TRHDE: variants seen among roughly 807,000 people sequenced by gnomAD.
TRHDE encodes thyrotropin releasing hormone degrading enzyme.
Under a neutral mutation model 125.7 loss-of-function variants are expected in TRHDE, and 72 were observed. That is an observed-to-expected ratio of 0.57 (90% CI 0.47 to 0.70). The LOEUF (loss-of-function observed/expected upper bound fraction) is 0.70. Ranked by LOEUF, TRHDE falls within the 30% of genes least tolerant of loss-of-function variation. The pLI, the probability that TRHDE is intolerant of heterozygous loss-of-function variation, is 0.00. For missense variants in TRHDE, 1,110 were observed against 1,327.1 expected (o/e 0.84, Z 2.54); for synonymous variants, 509 against 509.1 (o/e 1.00, Z 0.00).
intron 3 of TRHDE, chr12:72,431,853 A>C (rs981300629): frequency 1.3e-5 from 2 of 154,572 alleles, no homozygotes; most frequent in Admixed American, 1.3e-4. Flanking sequence ...AGATGTTTTG[A>C]AGTTCTGAGC....
intron 18 of TRHDE, 148 bp from the exon 19 acceptor site, chr12:72,662,904 G>A: frequency 5.6e-6 from 4 of 710,770 alleles, no homozygotes; most frequent in Non-Finnish European, 8.8e-6. Flanking sequence ...TCACTCCACA[G>A]TACTAAATAT....
rs1873623964 is a variant in TRHDE at position 72,634,280 on chromosome 12, A to G, written c.2675+12529A>G. ...TAAAGAATGAGAATAGAAAGAAATG[A>G]GAATAGAGGACACTATGAACAAGGT... is the stretch of plus-strand genomic sequence containing the variant. On this transcript the variant is annotated intron_variant, in intron 15 of 18. Transcript: ENST00000261180. Among the ~76,000 whole-genome samples, 8 of 152,260 alleles carry G rather than the reference A, an allele frequency of 5.3e-5. No individual in the cohort carries two copies. In the South Asian group the frequency reaches 1.7e-3, roughly 32 times the overall value.
At chr12:72,416,962 G>C (rs1432902638) in intron 3 of TRHDE, among the ~76,000 whole-genome samples, 1 of 151,976 alleles carries the variant, frequency 6.6e-6, no homozygotes, top group Non-Finnish European at 1.5e-5. Flanking sequence ...GCATAATATG[G>C]ACATTTTAAC....
At chr12:72,134,406 T>C (rs1358417086) in intron 2 of TRHDE, among the ~76,000 whole-genome samples, 5 of 152,054 alleles carry the variant, frequency 3.3e-5, no homozygotes, top group Non-Finnish European at 7.4e-5. Context: ...TAAGGAAGAA[T>C]GAGATACATG....
intron 2 of TRHDE, among the ~76,000 whole-genome samples, chr12:72,168,952 C>A (rs1592467786): frequency 6.6e-6 from 1 of 152,128 alleles, no homozygotes; most frequent in African/African-American, 2.4e-5. Flanking sequence ...TAAGTTATTA[C>A]ATAAAAAATC....
intron 2 of TRHDE, among the ~76,000 whole-genome samples, chr12:72,299,968 C>A (rs563900726): frequency 7.0e-4 from 107 of 152,206 alleles, no homozygotes; most frequent in African/African-American, 2.4e-3. Flanking sequence ...GGGTGAAAGG[C>A]AAATTTGAGA....
chr12:72,210,816 A>T (rs574837342), intron 2 of TRHDE, among the ~76,000 whole-genome samples: 141 of 152,346 alleles, frequency 9.3e-4, no homozygotes, highest in Non-Finnish European at 4.9e-4. Context: ...TTGAGAGTTG[A>T]CACCAACTTC....
At chr12:72,275,726 TTA>T (rs1879463654) in intron 1 of TRHDE, among the ~76,000 whole-genome samples, 1 of 152,220 alleles carries the variant, frequency 6.6e-6, no homozygotes, top group Admixed American at 6.5e-5. Flanking sequence ...AACAGGACTC[TTA>T]AAAAGACCAG....
At chr12:72,179,500 A>G (rs1408808577) in intron 2 of TRHDE, among the ~76,000 whole-genome samples, 1 of 151,904 alleles carries the variant, frequency 6.6e-6, no homozygotes, top group Admixed American at 6.6e-5. Flanking sequence ...TCCAAGTTAC[A>G]TATCTTTGCT....
intron 2 of TRHDE, among the ~76,000 whole-genome samples, chr12:72,127,191 A>G (rs569818952): frequency 6.6e-6 from 1 of 152,344 alleles, no homozygotes; most frequent in African/African-American, 2.4e-5. Context: ...TTAAAAAATA[A>G]CAGATGCTGG....
chr12:72,351,143 C>A (rs1463149744), intron 2 of TRHDE, among the ~76,000 whole-genome samples: 1 of 151,910 alleles, frequency 6.6e-6, no homozygotes, highest in Non-Finnish European at 1.5e-5. Context: ...GCAATAAATT[C>A]TTAGATAAGA....
chr12:72,398,513 A>G (rs1361839176), intron 3 of TRHDE, among the ~76,000 whole-genome samples: 4 of 152,222 alleles, frequency 2.6e-5, no homozygotes, highest in African/African-American at 9.6e-5. Flanking sequence ...TGAGGACAAG[A>G]ATTTTATCAC....
chr12:72,102,269 G>A (rs2139289763), intron 1 of TRHDE, among the ~76,000 whole-genome samples: 1 of 152,186 alleles, frequency 6.6e-6, no homozygotes, highest in East Asian at 1.9e-4. Context: ...GCATTAGGAG[G>A]GTGACAGAGG....
rs1208620931 is a variant in TRHDE, at chr12:72,273,735, G to T, written c.914+178G>T. On this transcript the variant is annotated intron_variant, in intron 1 of 18. Transcript: ENST00000261180. The surrounding 1 kb of genome is among the most constrained non-coding windows in gnomAD (Gnocchi z 5.3). ...CTCCGGGGTCTCCCAGATGCCTCGG[G>T]GTCTCGCTGCCGCCAACTTCGCAAA... 2.4e-5 allele frequency: 14 copies of T among 585,716 alleles called. 1 individual carries two copies. In the Admixed American group the frequency reaches 4.2e-4, roughly 17 times the overall value. 36.3% of individuals were successfully genotyped at this position (585,716 alleles called of 1,614,324 possible). A position where few individuals can be genotyped will look rare whatever the true frequency, so the allele number is the denominator to read the frequency against.
intron 12 of TRHDE, among the ~76,000 whole-genome samples, chr12:72,600,502 T>C (rs1297086146): frequency 6.6e-6 from 1 of 152,010 alleles, no homozygotes. Flanking sequence ...AATTTTTGTG[T>C]GTGGCTATTG....
chr12:72,161,360 G>A (rs968623041), intron 2 of TRHDE, among the ~76,000 whole-genome samples: 6 of 151,698 alleles, frequency 4.0e-5, no homozygotes, highest in African/African-American at 1.2e-4. Context: ...TTGAACTCGG[G>A]AGGTGGAAGT....
intron 2 of TRHDE, among the ~76,000 whole-genome samples, chr12:72,141,201 T>G (rs1472431588): frequency 2.6e-5 from 4 of 152,152 alleles, no homozygotes; most frequent in Non-Finnish European, 4.4e-5. Flanking sequence ...AAGGAAAGTT[T>G]CTATGAATAA....
intron 3 of TRHDE, among the ~76,000 whole-genome samples, chr12:72,435,407 G>C (rs1336163817): frequency 6.6e-6 from 1 of 152,100 alleles, no homozygotes; most frequent in African/African-American, 2.4e-5. Context: ...AGCTCCCTGT[G>C]TTGGGGAGTT....
At chr12:72,646,409 A>G (rs762612724) in intron 15 of TRHDE, among the ~76,000 whole-genome samples, 3 of 152,060 alleles carry the variant, frequency 2.0e-5, no homozygotes, top group Admixed American at 6.6e-5. Context: ...GGAAGATGGC[A>G]AAAGAGAAAA....
Sources: allele counts gnomAD v4.1 joint callset (sites outside exome capture counted in the v4.1 genomes callset), GRCh38; gene constraint gnomAD v4.1.1; non-coding constraint Gnocchi (gnomAD v3.1); transcripts MANE v1.5; gene names NCBI Gene and HGNC (gene_info 2026-07-23, HGNC 2026-07-21).